Variants in HOOK2 observed in about 807,000 individuals in gnomAD.
HOOK2 encodes protein Hook homolog 2.
A neutral mutation model predicts 111.9 loss-of-function variants in HOOK2; 108 were observed. The observed-to-expected ratio is 0.96, with a 90% CI of 0.83 to 1.13. The LOEUF (loss-of-function observed/expected upper bound fraction) is 1.13, where lower values mean the gene tolerates loss of function less well. HOOK2 is among the 50% of genes most tolerant of loss of function. The pLI, the probability that HOOK2 is intolerant of heterozygous loss-of-function variation, is 0.00. For missense variants in HOOK2, 978 were observed against 951.3 expected (o/e 1.03, Z -0.37); for synonymous variants, 405 against 394.3 (o/e 1.03, Z -0.32).
intron 14 of HOOK2, 31 bp from the exon 15 acceptor site, chr19:12,766,271 G>C: frequency 6.6e-7 from 1 of 1,514,244 alleles, no homozygotes; most frequent in Non-Finnish European, 8.8e-7. Context: ...AGCAGGGCCA[G>C]GGTCGAGTCA....
At chr19:12,782,667 G>T (rs936870804), upstream of HOOK2, among the ~76,000 whole-genome samples, 4 of 152,152 alleles carry the variant, frequency 2.6e-5, no homozygotes, top group African/African-American at 9.6e-5. Context: ...GTGCGTGGGC[G>T]GTGGCGGGGG....
chr19:12,781,044 G>T (rs1411650556), upstream of HOOK2, among the ~76,000 whole-genome samples: 1 of 130,566 alleles, frequency 7.7e-6, no homozygotes, highest in African/African-American at 2.9e-5. Context: ...GGCTCACGCA[G>T]GTAATCCCAG....
chr19:12,765,756 G>C, intron 17 of HOOK2, 32 bp from the exon 18 acceptor site: 1 of 1,614,160 alleles, frequency 6.2e-7, no homozygotes, highest in Admixed American at 1.7e-5. Context: ...GTGAGTGGGG[G>C]ATCCAGAGAG....
chr19:12,771,511 T>C, intron 7 of HOOK2, 34 bp from the exon 8 acceptor site: 1 of 1,577,574 alleles, frequency 6.3e-7, no homozygotes, highest in Non-Finnish European at 8.7e-7. Context: ...AACTCAGGGA[T>C]TCAGGAGAAG....
upstream of HOOK2, chr19:12,775,614 C>T: frequency 1.7e-6 from 1 of 583,434 alleles, no homozygotes; most frequent in Middle Eastern, 5.2e-4. Flanking sequence ...AGCCCAGGCT[C>T]CGCCTCGGAA....
chr19:12,780,397 C>A (rs968652250), upstream of HOOK2, among the ~76,000 whole-genome samples: 1 of 151,856 alleles, frequency 6.6e-6, no homozygotes, highest in African/African-American at 2.4e-5. Flanking sequence ...CACTCTGTCA[C>A]CCAGGCTGGA....
At chr19:12,764,556 C>T (rs2145722047) in intron 20 of HOOK2, 2 of 498,256 alleles carry the variant, frequency 4.0e-6, no homozygotes, top group Middle Eastern at 5.5e-4. Flanking sequence ...TCTCAAACTC[C>T]TGACCTCATG....
In HOOK2 at chr19:12,765,715, G is replaced by A. The variant is rs539668861; in HGVS notation, c.1615C>T (p.Leu539=). Residue 539 remains leucine, a synonymous_variant, in exon 18 of 23, where the codon CTG becomes TTG. Coordinates refer to ENST00000397668, the MANE Select transcript of HOOK2 (RefSeq NM_013312.3). ...AAATGTTCCTCCAGCTTCCTTTTCAGCAAAATGGACTGGGAGAGAGAAGAG... is the reference window on the plus strand; with the variant it reads ...AAATGTTCCTCCAGCTTCCTTTTCAACAAAATGGACTGGGAGAGAGAAGAG... ...GKTEDAISIL[L]KRKLEEHLQK... The A allele has an allele frequency of 1.2e-6, 2 of 1,614,194 alleles. No homozygotes were observed. Among genetic ancestry groups the A allele is most frequent in the Middle Eastern group, 1.6e-4 (1 of 6,062 alleles).
upstream of HOOK2, among the ~76,000 whole-genome samples, chr19:12,779,821 T>G (rs1404218592): frequency 1.3e-5 from 2 of 152,136 alleles, no homozygotes; most frequent in Non-Finnish European, 2.9e-5. Context: ...AGGGGAAATT[T>G]GTAACATCCT....
At position 12,790,885 on chromosome 19, in the gene HOOK2, A is replaced by G. The variant is rs529866488; in HGVS notation, n.42-16660T>C. On this transcript the variant is annotated intron_variant and non_coding_transcript_variant, in intron 3 of 3. Coordinates refer to the HOOK2 transcript ENST00000589765. This position sits in a 1 kb window ranked among gnomAD's most constrained non-coding sequence, Gnocchi z 7.2. The stretch of plus-strand genomic sequence containing the variant: ...ACCCCTACTCATTTCTTGCAATTTA[A>G]TGGGTCATGCAGCTCCACCCACTCA... Among the ~76,000 whole-genome samples, 3 of 151,998 alleles carry G rather than the reference A, an allele frequency of 2.0e-5. No individual in the cohort carries two copies. Among genetic ancestry groups the G allele is most frequent in the African/African-American group, 7.2e-5 (3 of 41,432 alleles).
At chr19:12,774,968 C>A in intron 1 of HOOK2, 71 bp from the exon 2 acceptor site, 1 of 1,436,062 alleles carries the variant, frequency 7.0e-7, no homozygotes, top group Non-Finnish European at 9.6e-7. Context: ...CTTTTGCAGA[C>A]TTTTCCAGTC....
chr19:12,769,938 C>T lies in HOOK2; in HGVS notation c.1047G>A (p.Glu349=). 1.3e-6 allele frequency: 2 copies of T among 1,558,354 alleles called. No individual in the cohort carries two copies. Among genetic ancestry groups the T allele is most frequent in the Non-Finnish European group, 1.7e-6 (2 of 1,159,708 alleles). The change falls in exon 11 of 23, where the codon GAG becomes GAA. Residue 349 remains glutamate, a synonymous_variant. Transcript: ENST00000397668. ...AGHAERTRQL[E]DELRRAGSLR... ...GGGAGCCCGCTCGGCGTAGCTCATC[C>T]TCCAGTTGTCGCGTGCGCTCGGCGT...
At chr19:12,773,122 T>G in intron 3 of HOOK2, 78 bp from the exon 4 acceptor site, 4 of 1,361,328 alleles carry the variant, frequency 2.9e-6, no homozygotes, top group Non-Finnish European at 4.2e-6. Context: ...TCTCTCCACC[T>G]CACTTCTCCT....
chr19:12,792,018 G>A, intron 3 of HOOK2: 2 of 1,611,582 alleles, frequency 1.2e-6, no homozygotes, highest in Non-Finnish European at 1.7e-6. Context: ...TCTCAAGCTC[G>A]CCTCTTCGGA....
upstream of HOOK2, among the ~76,000 whole-genome samples, chr19:12,776,102 C>T (rs1968501238): frequency 1.3e-5 from 2 of 150,176 alleles, no homozygotes; most frequent in Non-Finnish European, 1.5e-5. Context: ...TGGTCTCGAT[C>T]TCCTGACCTC....
chr19:12,767,333 G>A (rs1394807067), intron 14 of HOOK2, 62 bp downstream of exon 14: 2 of 1,400,626 alleles, frequency 1.4e-6, no homozygotes, highest in Non-Finnish European at 2.0e-6. Context: ...GGCGGGAGCG[G>A]GGCTGAGGGC....
At chr19:12,778,421 G>C (rs1023317172), upstream of HOOK2, 1 of 152,274 alleles carries the variant, frequency 6.6e-6, no homozygotes, top group Non-Finnish European at 1.5e-5. Flanking sequence ...CCCTGGGAGC[G>C]GGTGGAGAGG....
intron 14 of HOOK2, 69 bp downstream of exon 14, chr19:12,767,326 G>T: frequency 1.5e-6 from 2 of 1,322,554 alleles, no homozygotes; most frequent in Admixed American, 1.7e-5. Flanking sequence ...ATGGGAGGGC[G>T]GGAGCGGGGC....
Position 12,764,921 on chromosome 19 carries a change from G to A in HOOK2, c.1724-4C>T, listed in dbSNP as rs1968103529. On this transcript the variant is annotated splice_region_variant and splice_polypyrimidine_tract_variant and intron_variant, in intron 19 of 22. Coordinates refer to ENST00000397668, the MANE Select transcript of HOOK2 (RefSeq NM_013312.3). ...AGCTCCTCGATCCGCCGGGCTGCTG[G>A]CGGAAGAGGTGGCCCATCAGCTCCA... 6.2e-7 allele frequency: 1 copy of A among 1,614,058 alleles called. No individual in the cohort carries two copies. The highest frequency in any genetic ancestry group is 1.1e-5 in the South Asian group (1 of 91,084).
Sources: gnomAD v4.1 joint callset for allele counts (sites outside exome capture counted in the v4.1 genomes callset) on GRCh38, gnomAD v4.1.1 for gene constraint, Gnocchi (gnomAD v3.1) non-coding constraint, MANE v1.5 for transcripts, NCBI Gene and HGNC (gene_info 2026-07-23, HGNC 2026-07-21) for gene names.